TDRD3: variants seen among roughly 807,000 people sequenced by gnomAD.
The protein encoded by TDRD3 is tudor domain-containing protein 3.
TDRD3 carries 45 observed loss-of-function variants against 86.7 expected under a neutral mutation model. That is an observed-to-expected ratio of 0.52 (90% CI 0.41 to 0.67). The LOEUF is 0.67. Among genes scored for constraint, TDRD3 ranks in the 30% least tolerant of loss-of-function variants. The pLI is 0.00. For missense variants in TDRD3, 814 were observed against 889.0 expected (o/e 0.92, Z 1.07); for synonymous variants, 298 against 301.7 (o/e 0.99, Z 0.13).
chr13:60,403,879 G>A, intron 1 of TDRD3, among the ~76,000 whole-genome samples: 1 of 152,082 alleles, frequency 6.6e-6, no homozygotes, highest in East Asian at 1.9e-4. Flanking sequence ...AATAAGTAAG[G>A]CATATACAGA....
chr13:60,399,120 T>G (rs1214831185), intron 1 of TDRD3, among the ~76,000 whole-genome samples: 1 of 152,302 alleles, frequency 6.6e-6, no homozygotes, highest in East Asian at 1.9e-4. Context: ...TGAGTCTTAT[T>G]TTTCTCCTTA....
intron 12 of TDRD3, among the ~76,000 whole-genome samples, chr13:60,554,746 A>G (rs1958148276): frequency 6.6e-6 from 1 of 152,204 alleles, no homozygotes; most frequent in South Asian, 2.1e-4. Context: ...TCATCCTTGA[A>G]CGAGAAGAAT....
At chr13:60,406,951 T>A (rs1269142415) in intron 1 of TDRD3, among the ~76,000 whole-genome samples, 2 of 152,194 alleles carry the variant, frequency 1.3e-5, no homozygotes, top group Non-Finnish European at 2.9e-5. Context: ...AAATTTTATT[T>A]TATTAAATTT....
At chr13:60,545,622 G>A (rs953101850) in intron 12 of TDRD3, among the ~76,000 whole-genome samples, 2 of 151,994 alleles carry the variant, frequency 1.3e-5, no homozygotes, top group Admixed American at 1.3e-4. Flanking sequence ...TAATAAGGCT[G>A]AAAATAATGT....
intron 10 of TDRD3, among the ~76,000 whole-genome samples, chr13:60,527,575 A>G (rs186742920): frequency 1.3e-5 from 2 of 152,374 alleles, no homozygotes; most frequent in East Asian, 1.9e-4. Flanking sequence ...GGAAGAAAGT[A>G]TAAATGACAT....
chr13:60,458,039 G>A (rs957007293), intron 3 of TDRD3, among the ~76,000 whole-genome samples: 1 of 152,112 alleles, frequency 6.6e-6, no homozygotes, highest in Non-Finnish European at 1.5e-5. Flanking sequence ...TTTTGGTGGA[G>A]CCACTATTTA....
intron 3 of TDRD3, among the ~76,000 whole-genome samples, chr13:60,455,071 G>A (rs1183255159): frequency 1.3e-5 from 2 of 151,824 alleles, no homozygotes; most frequent in African/African-American, 4.8e-5. Flanking sequence ...CTGCCACCAC[G>A]CCCGGCTAAT....
chr13:60,492,797 A>G (rs897361232), intron 7 of TDRD3, among the ~76,000 whole-genome samples: 5 of 152,100 alleles, frequency 3.3e-5, no homozygotes, highest in African/African-American at 9.7e-5. Context: ...ACTGTAGTTT[A>G]TCAGCTACCT....
chr13:60,448,049 C>G (rs74498202), intron 3 of TDRD3, among the ~76,000 whole-genome samples: 17,113 of 151,910 alleles, frequency 0.11, 1,292 homozygotes, highest in African/African-American at 0.21. Context: ...AGTGTAGAGA[C>G]GAGTCTTCAA....
chr13:60,501,050 G>T (rs1026037288), intron 8 of TDRD3, among the ~76,000 whole-genome samples: 4 of 152,194 alleles, frequency 2.6e-5, no homozygotes, highest in African/African-American at 9.7e-5. Flanking sequence ...ATTCCTTGGG[G>T]TGATCAGCCA....
intron 5 of TDRD3, 150 bp downstream of exon 5, chr13:60,467,529 A>C: frequency 2.3e-6 from 2 of 864,664 alleles, no homozygotes; most frequent in Non-Finnish European, 3.5e-6. Flanking sequence ...ATCTTTGTCT[A>C]AGTGTATTGT....
chr13:60,534,211 G>C (rs1957648067), intron 11 of TDRD3, among the ~76,000 whole-genome samples: 1 of 152,148 alleles, frequency 6.6e-6, no homozygotes, highest in Non-Finnish European at 1.5e-5. Context: ...TACTTGGGAG[G>C]TTGCAGCAAG....
At chr13:60,559,657 A>G (rs997167678) in intron 12 of TDRD3, among the ~76,000 whole-genome samples, 1 of 152,182 alleles carries the variant, frequency 6.6e-6, no homozygotes, top group Non-Finnish European at 1.5e-5. Context: ...CAAACACTAC[A>G]TGATCTTACT....
intron 12 of TDRD3, among the ~76,000 whole-genome samples, chr13:60,565,041 C>CTTTTTTTTTTTTTTTT (rs869194148): frequency 1.4e-5 from 1 of 70,852 alleles, no homozygotes; most frequent in African/African-American, 6.2e-5. Context: ...CTATCAGTAT[C>CTTTTTTTTTTTTTTTT]TTTTTTTTTT....
At chr13:60,510,007 G>T in intron 9 of TDRD3, 88 bp downstream of exon 9, 1 of 1,476,178 alleles carries the variant, frequency 6.8e-7, no homozygotes, top group Non-Finnish European at 9.1e-7. Context: ...TTTCTGTGAG[G>T]GCTGTAATTT....
intron 12 of TDRD3, among the ~76,000 whole-genome samples, chr13:60,548,242 C>T (rs1957975888): frequency 6.6e-6 from 1 of 152,156 alleles, no homozygotes. Flanking sequence ...CTAGCCCACC[C>T]TCAGCCAAAC....
intron 1 of TDRD3, among the ~76,000 whole-genome samples, chr13:60,401,933 A>G (rs894993525): frequency 2.6e-5 from 4 of 152,234 alleles, no homozygotes; most frequent in African/African-American, 9.6e-5. Flanking sequence ...CATGGGATAA[A>G]TAGAAAAAAA....
intron 12 of TDRD3, among the ~76,000 whole-genome samples, chr13:60,564,932 T>C (rs916089563): frequency 3.9e-5 from 6 of 151,968 alleles, no homozygotes; most frequent in African/African-American, 9.7e-5. Flanking sequence ...GTGATTGTTA[T>C]GGGTAACCAG....
intron 5 of TDRD3, among the ~76,000 whole-genome samples, chr13:60,470,878 C>G (rs112754175): frequency 6.6e-6 from 1 of 152,040 alleles, no homozygotes; most frequent in Admixed American, 6.6e-5. Context: ...CCACCATGCC[C>G]GGCCTTCATT....
Sources: allele counts gnomAD v4.1 joint callset (sites outside exome capture counted in the v4.1 genomes callset), GRCh38; gene constraint gnomAD v4.1.1; transcripts MANE v1.5; gene names NCBI Gene and HGNC (gene_info 2026-07-23, HGNC 2026-07-21).